EHD3: variants seen among roughly 807,000 people sequenced by gnomAD.
EHD3 encodes the protein EH domain containing 3.
Under a neutral mutation model 43.0 loss-of-function variants are expected in EHD3, and 17 were observed. That is an observed-to-expected ratio of 0.40 (90% CI 0.27 to 0.59). The LOEUF is 0.59. Among genes scored for constraint, EHD3 ranks in the 20% least tolerant of loss-of-function variants. The probability of loss-of-function intolerance (pLI) is 0.49; values close to 1 mark genes in which losing one functional copy is unlikely to be tolerated. For missense variants in EHD3, 594 were observed against 705.6 expected, an observed-to-expected ratio of 0.84 and a Z score of 1.79; for synonymous variants, 313 against 289.5, an observed-to-expected ratio of 1.08 and a Z score of -0.82.
chr2:31,243,316 G>A (rs1683455725), intron 1 of EHD3, among the ~76,000 whole-genome samples: 1 of 90,926 alleles, frequency 1.1e-5, no homozygotes, highest in South Asian at 3.1e-4. Context: ...GTGTAGATCT[G>A]CATGAACACT....
intron 3 of EHD3, among the ~76,000 whole-genome samples, chr2:31,257,943 G>C (rs779936229): frequency 2.0e-5 from 3 of 152,118 alleles, no homozygotes; most frequent in Non-Finnish European, 4.4e-5. Context: ...GGAGATACTG[G>C]GCCAGCTCTG....
At chr2:31,258,041 C>T (rs1038473344) in intron 3 of EHD3, among the ~76,000 whole-genome samples, 1 of 152,150 alleles carries the variant, frequency 6.6e-6, no homozygotes, top group Non-Finnish European at 1.5e-5. Flanking sequence ...TAGGTCTACG[C>T]CACAGGAGCA....
intron 1 of EHD3, among the ~76,000 whole-genome samples, chr2:31,243,668 C>A (rs13018781): frequency 1.4e-4 from 22 of 152,036 alleles, no homozygotes; most frequent in Admixed American, 1.3e-3. Flanking sequence ...GTTGGCCAGG[C>A]TGGTCTTGAA....
intron 3 of EHD3, among the ~76,000 whole-genome samples, chr2:31,253,915 C>T (rs1229492802): frequency 3.3e-5 from 5 of 152,108 alleles, no homozygotes; most frequent in African/African-American, 7.2e-5. Flanking sequence ...GAGGATGCAG[C>T]AGGAGTGGGA....
chr2:31,253,246 C>CACA (rs1553403504), intron 3 of EHD3, among the ~76,000 whole-genome samples: 97 of 142,106 alleles, frequency 6.8e-4, no homozygotes, highest in Non-Finnish European at 2.6e-4. Flanking sequence ...CAACCCCCTC[C>CACA]CACACACACA....
intron 3 of EHD3, among the ~76,000 whole-genome samples, chr2:31,256,856 T>G (rs536290225): frequency 1.3e-5 from 2 of 152,356 alleles, no homozygotes; most frequent in East Asian, 3.9e-4. Context: ...GTTCAGGTCT[T>G]GGCTCTGACC....
Position 31,267,938 on chromosome 2 carries a change from C to T in EHD3, c.*1234C>T, listed in dbSNP as rs895625618. The stretch of plus-strand genomic sequence containing the variant: ...TATTCCCAGCATCATAGACATCCAA[C>T]AGCACCAGCAGGAGAGTGGGCTAGC... On this transcript the variant is annotated 3_prime_UTR_variant, in exon 6 of 6. Transcript: ENST00000322054. The T allele has an allele frequency of 6.6e-6, 1 of 152,372 alleles. No individual in the cohort carries two copies. The highest frequency in any genetic ancestry group is 2.4e-5 in the African/African-American group (1 of 41,454). The allele number at this position is 152,372 out of a possible 1,614,324, so 9.4% of individuals were successfully genotyped here.
rs1478532340 is a variant in EHD3, at chr2:31,244,324, C to T, written c.278C>T (p.Thr93Ile). Residue 93 changes from threonine (T) to isoleucine (I), a missense_variant, in exon 2 of 6, where the codon ACC (threonine) becomes ATC (isoleucine). Thr to Ile is a moderately conservative substitution (Grantham distance 89). This residue lies in a region of EHD3 where 243 missense variants were observed against 296.7 expected (regional missense o/e 0.82). Transcript: ENST00000322054. ...FPGMRIGPEP[T>I]TDSFIAVMQG... The stretch of plus-strand genomic sequence containing the variant: ...GGCATGAGGATTGGGCCTGAGCCCA[C>T]CACAGACTCCTTCATTGCGGTGATG... The T allele has an allele frequency of 1.2e-6, 2 of 1,614,232 alleles. No individual in the cohort carries two copies. The highest frequency in any genetic ancestry group is 1.7e-6 in the Non-Finnish European group (2 of 1,180,046).
intron 3 of EHD3, among the ~76,000 whole-genome samples, chr2:31,256,471 C>T (rs955478357): frequency 1.3e-5 from 2 of 152,216 alleles, no homozygotes; most frequent in African/African-American, 2.4e-5. Flanking sequence ...TGATAGTGCA[C>T]CTGCTGTGTG....
In EHD3 at chr2:31,260,775, C is replaced by T; in HGVS notation, c.768C>T (p.Ser256=). ...AGGTGATCCGGGTCTACATCGGCTC[C>T]TTCTGGTCCCACCCCCTCCTCATCC... ...TPEVIRVYIG[S]FWSHPLLIPD... Residue 256 remains serine, a synonymous_variant, in exon 4 of 6, where the codon TCC becomes TCT. Transcript: ENST00000322054. The surrounding 1 kb of genome is among the most constrained non-coding windows in gnomAD (Gnocchi z 4.6). 6.2e-7 allele frequency: 1 copy of T among 1,614,212 alleles called. No homozygotes were observed. Among genetic ancestry groups the T allele is most frequent in the Non-Finnish European group, 8.5e-7 (1 of 1,180,042 alleles).
intron 5 of EHD3, among the ~76,000 whole-genome samples, chr2:31,265,040 C>A (rs542519648): frequency 4.0e-4 from 61 of 152,170 alleles, no homozygotes; most frequent in Non-Finnish European, 6.8e-4. Context: ...TCATCAGTTT[C>A]GCTGTCTTCA....
chr2:31,255,171 A>G (rs1049466191), intron 3 of EHD3, among the ~76,000 whole-genome samples: 2 of 152,242 alleles, frequency 1.3e-5, no homozygotes, highest in African/African-American at 2.4e-5. Flanking sequence ...TAGAGCCAGC[A>G]GACTTGTGCT....
In EHD3 at chr2:31,261,443, G is replaced by A. The variant is rs1683853079; in HGVS notation, c.916-106G>A. The A allele has an allele frequency of 3.8e-6, 5 of 1,304,362 alleles. No individual in the cohort carries two copies. In the South Asian group the frequency reaches 4.2e-5, roughly 11 times the overall value. The allele number at this position is 1,304,362 out of a possible 1,614,324, so 80.8% of individuals were successfully genotyped here. A position where few individuals can be genotyped will look rare whatever the true frequency, so the allele number is the denominator to read the frequency against. ...AATTATTTCAAAAGTAGGAGCAGGA[G>A]GAGGCGGGAGGGATGTAGGGGAAGG... On this transcript the variant is annotated intron_variant, in intron 4 of 5. Coordinates refer to ENST00000322054, the MANE Select transcript of EHD3 (RefSeq NM_014600.3).
intron 1 of EHD3, among the ~76,000 whole-genome samples, chr2:31,241,257 C>T (rs1209413845): frequency 1.3e-5 from 2 of 152,178 alleles, no homozygotes; most frequent in Admixed American, 6.5e-5. Flanking sequence ...TCCCATTCAT[C>T]GTTCTAAAAG....
rs1683979213 is a variant in EHD3, at chr2:31,267,526, T to G, written c.*822T>G. The G allele has an allele frequency of 6.6e-6, 1 of 152,640 alleles. No individual in the cohort carries two copies. Among genetic ancestry groups the G allele is most frequent in the Non-Finnish European group, 1.5e-5 (1 of 68,044 alleles). 9.5% of individuals were successfully genotyped at this position (152,640 alleles called of 1,614,324 possible). A position where few individuals can be genotyped will look rare whatever the true frequency, so the allele number is the denominator to read the frequency against. ...CCCTCCTGCGTACCAGGAGCTGTGTTAGGCACTTTATATACATTATTCTAT... is the reference window on the plus strand; with the variant it reads ...CCCTCCTGCGTACCAGGAGCTGTGTGAGGCACTTTATATACATTATTCTAT... On this transcript the variant is annotated 3_prime_UTR_variant, in exon 6 of 6. Coordinates refer to ENST00000322054, the MANE Select transcript of EHD3 (RefSeq NM_014600.3).
rs1167768552 is a variant in EHD3 at position 31,234,242 on chromosome 2, C to A, written c.-380C>A. 7.1e-6 allele frequency: 2 copies of A among 280,106 alleles called. No individual in the cohort carries two copies. The highest frequency in any genetic ancestry group is 1.4e-5 in the Non-Finnish European group (2 of 145,712). 17.4% of individuals were successfully genotyped at this position (280,106 alleles called of 1,614,324 possible). A position where few individuals can be genotyped will look rare whatever the true frequency, so the allele number is the denominator to read the frequency against. On this transcript the variant is annotated 5_prime_UTR_variant, in exon 1 of 6. Transcript: ENST00000322054. ...TCCGGCAGGAGCGGAGCCGAAGCAT[C>A]CCTTGCTGCACGCAGGGCAGAGCAG...
intron 3 of EHD3, among the ~76,000 whole-genome samples, chr2:31,251,355 G>A (rs1346375758): frequency 1.3e-5 from 2 of 152,236 alleles, no homozygotes; most frequent in African/African-American, 4.8e-5. Flanking sequence ...TCAGCAGCCT[G>A]CTCAAGGGCC....
intron 1 of EHD3, among the ~76,000 whole-genome samples, chr2:31,237,346 C>T (rs1293137334): frequency 5.3e-5 from 8 of 151,866 alleles, no homozygotes; most frequent in African/African-American, 2.4e-5. Context: ...GTATTTGTAG[C>T]TATTTTATAG....
intron 3 of EHD3, among the ~76,000 whole-genome samples, chr2:31,255,763 C>T (rs1348004614): frequency 1.3e-5 from 2 of 152,158 alleles, no homozygotes; most frequent in African/African-American, 4.8e-5. Context: ...TCTGGCATTA[C>T]TGAGTCTGTA....
Sources: allele counts gnomAD v4.1 joint callset (sites outside exome capture counted in the v4.1 genomes callset), GRCh38; gene constraint gnomAD v4.1.1; regional missense constraint gnomAD v4.1.1; non-coding constraint Gnocchi (gnomAD v3.1); transcripts MANE v1.5; gene names NCBI Gene and HGNC (gene_info 2026-07-23, HGNC 2026-07-21).